Variants in VPS13D observed in about 807,000 individuals in gnomAD.
The protein encoded by VPS13D is intermembrane lipid transfer protein VPS13D.
Under a neutral mutation model 461.9 loss-of-function variants are expected in VPS13D, and 187 were observed. The observed-to-expected ratio is 0.40, with a 90% CI of 0.36 to 0.46. The LOEUF (loss-of-function observed/expected upper bound fraction) is 0.46, where lower values mean the gene tolerates loss of function less well. Ranked by LOEUF, VPS13D falls within the 20% of genes least tolerant of loss-of-function variation. The pLI, the probability that VPS13D is intolerant of heterozygous loss-of-function variation, is 0.60. For synonymous variants in VPS13D, 1,951 were observed against 1,986.3 expected, an observed-to-expected ratio of 0.98 and a Z score of 0.47; for missense variants, 4,711 against 5,364.9, an observed-to-expected ratio of 0.88 and a Z score of 3.81.
chr1:12,349,454 A>C, intron 46 of VPS13D, 80 bp downstream of exon 46: 2 of 1,312,772 alleles, frequency 1.5e-6, no homozygotes, highest in Non-Finnish European at 2.1e-6. Flanking sequence ...TCTTTCTCTA[A>C]AGACCCTTAG....
chr1:12,394,262 C>T (rs1336807748), intron 60 of VPS13D, among the ~76,000 whole-genome samples: 1 of 152,074 alleles, frequency 6.6e-6, no homozygotes, highest in African/African-American at 2.4e-5. Context: ...GTTTTTTGTC[C>T]ATTCAACCTA....
At chr1:12,478,740 C>G (rs1228752838) in intron 67 of VPS13D, 5 of 453,272 alleles carry the variant, frequency 1.1e-5, no homozygotes, top group East Asian at 7.0e-5. Context: ...CCTCCCTCCC[C>G]CCGGCCAGAA....
At chr1:12,305,806 C>T (rs1331345202) in intron 26 of VPS13D, among the ~76,000 whole-genome samples, 1 of 151,994 alleles carries the variant, frequency 6.6e-6, no homozygotes, top group East Asian at 1.9e-4. Context: ...ACCTTATAGT[C>T]CTAGAGGTGA....
intron 67 of VPS13D, among the ~76,000 whole-genome samples, chr1:12,463,897 A>C (rs1221121978): frequency 6.6e-6 from 1 of 152,206 alleles, no homozygotes; most frequent in Non-Finnish European, 1.5e-5. Flanking sequence ...GGATAAATTT[A>C]TCTCTCTGTT....
intron 63 of VPS13D, among the ~76,000 whole-genome samples, chr1:12,412,857 A>T (rs562201681): frequency 6.6e-5 from 10 of 152,324 alleles, no homozygotes; most frequent in Middle Eastern, 3.4e-3. Context: ...AAAGAGTAGT[A>T]AGATAAGTCA....
chr1:12,452,634 A>G (rs1645277022), intron 65 of VPS13D, among the ~76,000 whole-genome samples: 2 of 152,236 alleles, frequency 1.3e-5, no homozygotes, highest in Non-Finnish European at 2.9e-5. Context: ...CACATGCTTT[A>G]TGGTAGCCTG....
chr1:12,248,950 A>G (rs1640644668), intron 5 of VPS13D, among the ~76,000 whole-genome samples: 1 of 152,182 alleles, frequency 6.6e-6, no homozygotes, highest in East Asian at 1.9e-4. Context: ...AGTTATGATA[A>G]CATAATATAA....
rs1211016265 is a variant in VPS13D at position 12,505,882 on chromosome 1, A to G, written c.12795-971A>G. Among the ~76,000 whole-genome samples the G allele has an allele frequency of 6.6e-6, 1 of 152,118 alleles. No individual in the cohort carries two copies. The highest frequency in any genetic ancestry group is 1.5e-5 in the Non-Finnish European group (1 of 68,006). ...GCCTGCTCCCCTCGACAGGCAGGCCACCTCCTGCCCCCAGGCTTCTGCCCC... is the reference window on the plus strand; with the variant it reads ...GCCTGCTCCCCTCGACAGGCAGGCCGCCTCCTGCCCCCAGGCTTCTGCCCC... On this transcript the variant is annotated intron_variant, in intron 68 of 69. Transcript: ENST00000620676. This position sits in a 1 kb window ranked among gnomAD's most constrained non-coding sequence, Gnocchi z 4.2.
At chr1:12,253,287 C>T (rs1640800772) in intron 6 of VPS13D, among the ~76,000 whole-genome samples, 1 of 152,050 alleles carries the variant, frequency 6.6e-6, no homozygotes, top group Non-Finnish European at 1.5e-5. Context: ...TACGCAAATA[C>T]TATGCCTTTT....
chr1:12,294,683 G>A (rs569687799), intron 24 of VPS13D, among the ~76,000 whole-genome samples: 1 of 152,178 alleles, frequency 6.6e-6, no homozygotes, highest in East Asian at 1.9e-4. Flanking sequence ...ATGGTGGCAC[G>A]TGCCTGTAGT....
chr1:12,345,453 A>G lies in VPS13D; in HGVS notation c.8965A>G (p.Lys2989Glu). 2 of 1,613,946 alleles carry G rather than the reference A, an allele frequency of 1.2e-6. No homozygotes were observed. The highest frequency in any genetic ancestry group is 2.2e-5 in the South Asian group (2 of 91,062). Residue 2989 changes from lysine (K) to glutamate (E), a missense_variant, in exon 43 of 70, where the codon AAA becomes GAA. Physicochemically the swap from Lys to Glu is moderately conservative, Grantham distance 56. Coordinates refer to ENST00000620676, the MANE Select transcript of VPS13D (RefSeq NM_015378.4). ...WEQVSPVSVD[K>E]VGTFFRYAAP... ...GCAAGTGAGCCCAGTGTCTGTGGAC[A>G]AAGTCGGGACCTTTTTTCGATATGC... is the stretch of plus-strand genomic sequence containing the variant.
intron 1 of VPS13D, among the ~76,000 whole-genome samples, chr1:12,230,326 G>A (rs1639920577): frequency 1.3e-5 from 2 of 152,090 alleles, no homozygotes; most frequent in Admixed American, 1.3e-4. Flanking sequence ...CTCCCCCCGG[G>A]CCCCAAGCCC....
rs139121257 is a variant in VPS13D, at chr1:12,297,419, C to T, written c.6034-1783C>T. On this transcript the variant is annotated intron_variant, in intron 24 of 69. Coordinates refer to ENST00000620676, the MANE Select transcript of VPS13D (RefSeq NM_015378.4). ...ATATTTGTTACACTTCTTCATTCACCTAGCAACTGGTATAGTAAAGTAATG... is the reference window on the plus strand; with the variant it reads ...ATATTTGTTACACTTCTTCATTCACTTAGCAACTGGTATAGTAAAGTAATG... Among the ~76,000 whole-genome samples, 318 of 152,258 alleles carry T rather than the reference C, an allele frequency of 2.1e-3. 2 individuals are homozygous for T. Among genetic ancestry groups the T allele is most frequent in the African/African-American group, 7.2e-3 (298 of 41,544 alleles).
intron 39 of VPS13D, 193 bp from the exon 40 acceptor site, chr1:12,338,038 C>A (rs1643487533): frequency 3.0e-5 from 12 of 400,480 alleles, no homozygotes; most frequent in East Asian, 4.2e-5. Flanking sequence ...ACAATAAAAA[C>A]TAGCATAAAA....
chr1:12,441,933 C>G (rs554321051), intron 65 of VPS13D, among the ~76,000 whole-genome samples: 3 of 152,174 alleles, frequency 2.0e-5, no homozygotes, highest in Non-Finnish European at 2.9e-5. Flanking sequence ...CCTTATACCA[C>G]TTTATCTCCA....
chr1:12,488,985 T>A (rs918679139), intron 67 of VPS13D, among the ~76,000 whole-genome samples: 1 of 152,248 alleles, frequency 6.6e-6, no homozygotes, highest in Admixed American at 6.5e-5. Flanking sequence ...CTTTATAGGT[T>A]GTCTACTATT....
rs557700753 is a variant in VPS13D at position 12,405,493 on chromosome 1, T to C, written c.12030+1520T>C. 1.6e-3 allele frequency among the ~76,000 whole-genome samples: 249 copies of C among 152,144 alleles called. 1 individual carries two copies. The highest frequency in any genetic ancestry group is 5.5e-3 in the African/African-American group (230 of 41,514). On this transcript the variant is annotated intron_variant, in intron 63 of 69. Transcript: ENST00000620676. ...TAGGGCAAGGGTGACAGCATTGGGGTGGCAAACTGGGGCCAAGCCACAGGG... is the reference window on the plus strand; with the variant it reads ...TAGGGCAAGGGTGACAGCATTGGGGCGGCAAACTGGGGCCAAGCCACAGGG...
chr1:12,335,674 T>A (rs1229325058), intron 38 of VPS13D, 31 bp from the exon 39 acceptor site: 1 of 1,565,746 alleles, frequency 6.4e-7, no homozygotes, highest in East Asian at 2.3e-5. Flanking sequence ...CTTTTTTAGT[T>A]CTCTTAATAT....
At chr1:12,374,326 C>T (rs1644168079) in intron 55 of VPS13D, among the ~76,000 whole-genome samples, 1 of 152,062 alleles carries the variant, frequency 6.6e-6, no homozygotes, top group Non-Finnish European at 1.5e-5. Flanking sequence ...ATGGACCTCT[C>T]CTTTTTAGTT....
Sources: allele counts gnomAD v4.1 joint callset (sites outside exome capture counted in the v4.1 genomes callset), GRCh38; gene constraint gnomAD v4.1.1; non-coding constraint Gnocchi (gnomAD v3.1); transcripts MANE v1.5; gene names NCBI Gene and HGNC (gene_info 2026-07-23, HGNC 2026-07-21).